UNC5D: variants seen among roughly 807,000 people sequenced by gnomAD.
The protein encoded by UNC5D is unc-5 netrin receptor D, also known as netrin receptor UNC5D.
UNC5D carries 39 observed loss-of-function variants against 105.4 expected under a neutral mutation model. The ratio of observed to expected loss-of-function variants is 0.37; its 90% CI spans 0.29 to 0.48. The LOEUF is 0.48. Among genes scored for constraint, UNC5D ranks in the 20% least tolerant of loss-of-function variants. UNC5D has a pLI of 0.98. For synonymous variants in UNC5D, 452 were observed against 450.4 expected (o/e 1.00, Z -0.04); for missense variants, 991 against 1,202.4 (o/e 0.82, Z 2.60).
Position 35,309,650 on chromosome 8 carries a change from T to C in UNC5D, c.103+73763T>C, listed in dbSNP as rs552310316. ...TTTGTTCTAGGCTGAAATACCAGAA[T>C]TCCTATGAACCATTTCTCTCACATT... is the stretch of plus-strand genomic sequence containing the variant. On this transcript the variant is annotated intron_variant, in intron 1 of 16. Transcript: ENST00000404895. 2.6e-5 allele frequency among the ~76,000 whole-genome samples: 4 copies of C among 152,320 alleles called. 1 individual carries two copies. Among genetic ancestry groups the C allele is most frequent in the African/African-American group, 9.6e-5 (4 of 41,586 alleles).
chr8:35,772,999 T>C (rs1586622957), intron 15 of UNC5D, among the ~76,000 whole-genome samples: 1 of 152,110 alleles, frequency 6.6e-6, no homozygotes, highest in African/African-American at 2.4e-5. Context: ...GGAGAAAAGG[T>C]ACCTCCAGAA....
chr8:35,475,292 T>C (rs1810006590), intron 1 of UNC5D, among the ~76,000 whole-genome samples: 1 of 152,146 alleles, frequency 6.6e-6, no homozygotes, highest in African/African-American at 2.4e-5. Flanking sequence ...TGAATATCCA[T>C]TTTTCTCCAC....
At chr8:35,657,658 A>C (rs923545325) in intron 4 of UNC5D, among the ~76,000 whole-genome samples, 1 of 152,016 alleles carries the variant, frequency 6.6e-6, no homozygotes, top group African/African-American at 2.4e-5. Flanking sequence ...ATAATTTTTA[A>C]ATTTTGTTTA....
intron 6 of UNC5D, among the ~76,000 whole-genome samples, chr8:35,685,705 G>A (rs1253799858): frequency 6.6e-6 from 1 of 152,110 alleles, no homozygotes. Flanking sequence ...ATCCCCAGTT[G>A]GCAGACATGG....
intron 1 of UNC5D, among the ~76,000 whole-genome samples, chr8:35,452,129 T>C (rs1258312475): frequency 6.6e-6 from 1 of 152,214 alleles, no homozygotes; most frequent in Non-Finnish European, 1.5e-5. Context: ...CCAATTAATA[T>C]ATATTTGATG....
rs58175711 is a variant in UNC5D, at chr8:35,498,084, CAAA to C, written c.104-51183_104-51181del. Among the ~76,000 whole-genome samples, 34 of 58,174 alleles carry C rather than the reference CAAA, an allele frequency of 5.8e-4. 1 individual carries two copies. Among genetic ancestry groups the C allele is most frequent in the African/African-American group, 1.1e-3 (25 of 22,144 alleles). 38.2% of individuals were successfully genotyped at this position (58,174 alleles called of 152,430 possible). A position where few individuals can be genotyped will look rare whatever the true frequency, so the allele number is the denominator to read the frequency against. On this transcript the variant is annotated intron_variant, in intron 1 of 16. Transcript: ENST00000404895. ...AACTCCATCTCAAAACAAAACAAAACAAAAAAAAAAAAAAAAAAAAAAAAAAAG... is the reference window on the plus strand; with the variant it reads ...AACTCCATCTCAAAACAAAACAAAACAAAAAAAAAAAAAAAAAAAAAAAAG...
rs142105418 is a variant in UNC5D at position 35,394,942 on chromosome 8, C to T, written c.104-154350C>T. ...GTATCCCAGAAACAAGCAGAGTGCC[C>T]AGTGCTTGACACCTAATACATTTGT... On this transcript the variant is annotated intron_variant, in intron 1 of 16. Transcript: ENST00000404895. 2.2e-3 allele frequency among the ~76,000 whole-genome samples: 342 copies of T among 152,242 alleles called. 1 individual carries two copies. Among genetic ancestry groups the T allele is most frequent in the African/African-American group, 7.5e-3 (311 of 41,536 alleles).
At chr8:35,739,625 T>C (rs1366748327) in intron 11 of UNC5D, among the ~76,000 whole-genome samples, 2 of 152,178 alleles carry the variant, frequency 1.3e-5, no homozygotes, top group Non-Finnish European at 2.9e-5. Flanking sequence ...ATGGAAGGTG[T>C]ACCTTAATTC....
At chr8:35,539,853 C>T (rs1815141152) in intron 1 of UNC5D, among the ~76,000 whole-genome samples, 1 of 152,104 alleles carries the variant, frequency 6.6e-6, no homozygotes, top group Non-Finnish European at 1.5e-5. Flanking sequence ...CTTACAGTTT[C>T]GTTTTCCCTC....
intron 1 of UNC5D, among the ~76,000 whole-genome samples, chr8:35,419,997 T>C (rs1425654090): frequency 6.6e-6 from 1 of 151,898 alleles, no homozygotes; most frequent in Non-Finnish European, 1.5e-5. Context: ...GGGCTCGGAA[T>C]GGGGGAGTGC....
At chr8:35,515,110 G>C (rs1370560337) in intron 1 of UNC5D, among the ~76,000 whole-genome samples, 2 of 152,212 alleles carry the variant, frequency 1.3e-5, no homozygotes, top group African/African-American at 4.8e-5. Flanking sequence ...ACATAGTTCT[G>C]AACCTGCAGC....
At chr8:35,318,354 T>G (rs1809460027) in intron 1 of UNC5D, among the ~76,000 whole-genome samples, 1 of 152,110 alleles carries the variant, frequency 6.6e-6, no homozygotes, top group African/African-American at 2.4e-5. Context: ...TTATGTCTCT[T>G]GTAAGCAGCA....
intron 1 of UNC5D, among the ~76,000 whole-genome samples, chr8:35,253,945 G>A (rs1209863102): frequency 3.3e-5 from 5 of 152,146 alleles, no homozygotes; most frequent in Non-Finnish European, 7.4e-5. Context: ...CTTCAAAAGA[G>A]TTCCTGCAAA....
At position 35,445,513 on chromosome 8, in the gene UNC5D, T is replaced by G. The variant is rs1028758255; in HGVS notation, c.104-103779T>G. ...TTATGGAACAGTCTTAAGGGGTTGG[T>G]ACTATTATGTGCCATTTTAATTTTT... On this transcript the variant is annotated intron_variant, in intron 1 of 16. Coordinates refer to ENST00000404895, the MANE Select transcript of UNC5D (RefSeq NM_080872.4). Among the ~76,000 whole-genome samples, 10 of 152,210 alleles carry G rather than the reference T, an allele frequency of 6.6e-5. No homozygotes were observed. In the East Asian group the frequency reaches 1.9e-3, roughly 29 times the overall value.
At chr8:35,669,489 G>T (rs550151030) in intron 4 of UNC5D, among the ~76,000 whole-genome samples, 1 of 151,908 alleles carries the variant, frequency 6.6e-6, no homozygotes, top group Non-Finnish European at 1.5e-5. Flanking sequence ...ATAGCAAGTC[G>T]GTTGCAAATT....
chr8:35,578,558 G>C (rs951138948), intron 3 of UNC5D, among the ~76,000 whole-genome samples: 1 of 152,166 alleles, frequency 6.6e-6, no homozygotes, highest in Admixed American at 6.5e-5. Flanking sequence ...GCAAATGCTT[G>C]CATAAATTTT....
intron 1 of UNC5D, among the ~76,000 whole-genome samples, chr8:35,274,034 CATTT>C (rs1805601646): frequency 6.6e-6 from 1 of 151,054 alleles, no homozygotes; most frequent in African/African-American, 2.4e-5. Context: ...AATGAGGATT[CATTT>C]GTCTACCTCA....
intron 11 of UNC5D, among the ~76,000 whole-genome samples, chr8:35,732,069 A>C (rs1829221860): frequency 6.6e-6 from 1 of 152,206 alleles, no homozygotes; most frequent in African/African-American, 2.4e-5. Context: ...CATAAACTGG[A>C]TATATACCTC....
intron 15 of UNC5D, among the ~76,000 whole-genome samples, chr8:35,768,563 C>A (rs1291639992): frequency 1.3e-5 from 2 of 152,198 alleles, no homozygotes; most frequent in African/African-American, 4.8e-5. Context: ...TGTCCGTTAA[C>A]AGGCCAATGA....
Sources: allele counts gnomAD v4.1 joint callset (sites outside exome capture counted in the v4.1 genomes callset), GRCh38; gene constraint gnomAD v4.1.1; transcripts MANE v1.5; gene names NCBI Gene and HGNC (gene_info 2026-07-23, HGNC 2026-07-21).